Variants in CHMP4B observed in about 807,000 individuals in gnomAD.
The protein encoded by CHMP4B is charged multivesicular body protein 4B, also known as SNF7 homolog associated with Alix 1.
CHMP4B carries 1 observed loss-of-function variant against 25.1 expected under a neutral mutation model. The observed-to-expected ratio is 0.04, with a 90% CI of 0.01 to 0.19. CHMP4B has a LOEUF of 0.19. Ranked by LOEUF, CHMP4B falls within the 10% of genes least tolerant of loss-of-function variation. CHMP4B has a pLI of 1.00. For synonymous variants in CHMP4B, 101 were observed against 115.6 expected, an observed-to-expected ratio of 0.87 and a Z score of 0.81; for missense variants, 151 against 289.7, an observed-to-expected ratio of 0.52 and a Z score of 3.48.
chr20:33,853,357 TC>T, intron 4 of CHMP4B, 138 bp from the exon 5 acceptor site: 2 of 779,336 alleles, frequency 2.6e-6, no homozygotes, highest in Non-Finnish European at 4.5e-6. Context: ...AGGAGCAGTC[TC>T]CCTACAGCCT....
chr20:33,818,582 G>T (rs1476853867), intron 1 of CHMP4B, among the ~76,000 whole-genome samples: 1 of 152,218 alleles, frequency 6.6e-6, no homozygotes, highest in Non-Finnish European at 1.5e-5. Context: ...CTCTGCTACA[G>T]GTTGGGATAA....
At chr20:33,846,754 A>G (rs889584068) in intron 1 of CHMP4B, among the ~76,000 whole-genome samples, 2 of 152,088 alleles carry the variant, frequency 1.3e-5, no homozygotes, top group Admixed American at 1.3e-4. Flanking sequence ...TCTGCAGGAG[A>G]TGGCTGTGGT....
At chr20:33,841,821 A>G (rs1979550345) in intron 1 of CHMP4B, among the ~76,000 whole-genome samples, 1 of 152,172 alleles carries the variant, frequency 6.6e-6, no homozygotes, top group South Asian at 2.1e-4. Context: ...GGAGTTTATC[A>G]AGGGCAGAGT....
At chr20:33,837,400 A>G (rs1894913183) in intron 1 of CHMP4B, among the ~76,000 whole-genome samples, 2 of 152,040 alleles carry the variant, frequency 1.3e-5, no homozygotes, top group Admixed American at 1.3e-4. Context: ...TTAAGATTTG[A>G]GCTTCAACCA....
chr20:33,829,580 T>G (rs1979184977), intron 1 of CHMP4B, among the ~76,000 whole-genome samples: 1 of 152,240 alleles, frequency 6.6e-6, no homozygotes, highest in Non-Finnish European at 1.5e-5. Context: ...AATTAAAAAT[T>G]TCAATTTCTT....
At chr20:33,847,710 T>A (rs1979725343) in intron 1 of CHMP4B, among the ~76,000 whole-genome samples, 1 of 152,170 alleles carries the variant, frequency 6.6e-6, no homozygotes, top group South Asian at 2.1e-4. Flanking sequence ...TCTGTCTGGC[T>A]TTTTAGTTTG....
rs146121377 is a variant in CHMP4B, at chr20:33,853,455, C to T, written c.611-41C>T. On this transcript the variant is annotated intron_variant, in intron 4 of 4. Coordinates refer to ENST00000217402, the MANE Select transcript of CHMP4B (RefSeq NM_176812.5). ...TCATTTCCGGCCAGAACATGTTGAA[C>T]GCACCAGTCATCCTAAATAGCCTTT... 1.5e-3 allele frequency: 2,389 copies of T among 1,584,768 alleles called. 30 individuals are homozygous for T. The African/African-American group carries it at 0.027, about 18-fold the overall frequency.
chr20:33,832,839 C>T (rs578089356), intron 1 of CHMP4B, among the ~76,000 whole-genome samples: 27 of 148,946 alleles, frequency 1.8e-4, no homozygotes, highest in East Asian at 7.9e-4. Flanking sequence ...AGTGCATTGG[C>T]GCAATCATAG....
At chr20:33,824,484 T>C (rs1979032301) in intron 1 of CHMP4B, among the ~76,000 whole-genome samples, 1 of 152,254 alleles carries the variant, frequency 6.6e-6, no homozygotes, top group Non-Finnish European at 1.5e-5. Context: ...ACAGTGGGAC[T>C]AGTGCCAAGG....
chr20:33,840,260 G>T (rs1245377680), intron 1 of CHMP4B, among the ~76,000 whole-genome samples: 8 of 151,562 alleles, frequency 5.3e-5, no homozygotes, highest in African/African-American at 9.7e-5. Context: ...AAAAAAAAGG[G>T]GGGGGACAGG....
intron 4 of CHMP4B, 46 bp from the exon 5 acceptor site, chr20:33,853,450 T>A (rs142507853): frequency 1.9e-6 from 3 of 1,573,936 alleles, no homozygotes; most frequent in Middle Eastern, 1.7e-4. Flanking sequence ...CCAGAACATG[T>A]TGAACGCACC....
chr20:33,814,667 C>T (rs564220726), intron 1 of CHMP4B, among the ~76,000 whole-genome samples: 1 of 152,248 alleles, frequency 6.6e-6, no homozygotes, highest in South Asian at 2.1e-4. Flanking sequence ...TATTCATTCA[C>T]TTTAAGCAAC....
In CHMP4B at chr20:33,844,813, C is replaced by G. The variant is rs562132135; in HGVS notation, c.191-3654C>G. Among the ~76,000 whole-genome samples the G allele has an allele frequency of 4.7e-5, 7 of 150,252 alleles. No homozygotes were observed. In the South Asian group the frequency reaches 1.3e-3, roughly 27 times the overall value. ...TTGCTCTGTCGCCCAGGCTGGAGTG[C>G]AGTGTCGTGATCTCGGTTCTCTACA... On this transcript the variant is annotated intron_variant, in intron 1 of 4. Transcript: ENST00000217402.
intron 1 of CHMP4B, among the ~76,000 whole-genome samples, chr20:33,845,752 A>T (rs1979672156): frequency 6.6e-6 from 1 of 152,214 alleles, no homozygotes; most frequent in Non-Finnish European, 1.5e-5. Flanking sequence ...TCACTTGGTG[A>T]TTAGAGTATG....
intron 1 of CHMP4B, among the ~76,000 whole-genome samples, chr20:33,816,145 T>C (rs923690675): frequency 1.2e-4 from 18 of 152,202 alleles, no homozygotes; most frequent in East Asian, 1.9e-4. Flanking sequence ...TGCTTTTTTT[T>C]CCCAAATTTC....
chr20:33,840,194 G>A (rs1417106009), intron 1 of CHMP4B, among the ~76,000 whole-genome samples: 1 of 151,442 alleles, frequency 6.6e-6, no homozygotes, highest in African/African-American at 2.4e-5. Flanking sequence ...TGCAGTAAGC[G>A]GAGATCGCGC....
At chr20:33,820,980 A>G (rs1464095830) in intron 1 of CHMP4B, among the ~76,000 whole-genome samples, 3 of 152,222 alleles carry the variant, frequency 2.0e-5, no homozygotes, top group Non-Finnish European at 2.9e-5. Context: ...TAATTTGCTT[A>G]ATTATTCAGT....
chr20:33,853,157 G>A (rs75656799), intron 4 of CHMP4B, among the ~76,000 whole-genome samples: 1,627 of 152,266 alleles, frequency 0.011, 26 homozygotes, highest in African/African-American at 0.037. Flanking sequence ...GGTTGGCAAG[G>A]ATTAGATCTC....
chr20:33,849,309 T>C (rs1601329118), intron 2 of CHMP4B, among the ~76,000 whole-genome samples: 1 of 152,198 alleles, frequency 6.6e-6, no homozygotes, highest in Non-Finnish European at 1.5e-5. Flanking sequence ...GAATACAATC[T>C]GCATTTGGGC....
Sources: gnomAD v4.1 joint callset for allele counts (sites outside exome capture counted in the v4.1 genomes callset) on GRCh38, gnomAD v4.1.1 for gene constraint, MANE v1.5 for transcripts, NCBI Gene and HGNC (gene_info 2026-07-23, HGNC 2026-07-21) for gene names.